KDM4A: variants seen among roughly 807,000 people sequenced by gnomAD.
The protein encoded by KDM4A is lysine demethylase 4A.
KDM4A carries 23 observed loss-of-function variants against 127.1 expected under a neutral mutation model. The ratio of observed to expected loss-of-function variants is 0.18; its 90% CI spans 0.13 to 0.26. The LOEUF (loss-of-function observed/expected upper bound fraction) is 0.26, where lower values mean the gene tolerates loss of function less well. Ranked by LOEUF, KDM4A falls within the 10% of genes least tolerant of loss-of-function variation. KDM4A has a pLI of 1.00. For missense variants in KDM4A, 890 were observed against 1,329.1 expected, an observed-to-expected ratio of 0.67 and a Z score of 5.14; for synonymous variants, 443 against 466.5, an observed-to-expected ratio of 0.95 and a Z score of 0.65.
rs1356372768 is a variant in KDM4A at position 43,704,115 on chromosome 1, G to A, written c.3054+3G>A. ...CCAAGAGAGTCAAATCTAGACTGGT[G>A]AGTATTTTCTGTGTCCCCCCAGTTC... is the stretch of plus-strand genomic sequence containing the variant. On this transcript the variant is annotated splice_donor_region_variant and intron_variant, in intron 21 of 21. Transcript: ENST00000372396. 2 of 1,613,768 alleles carry A rather than the reference G, an allele frequency of 1.2e-6. No homozygotes were observed. Among genetic ancestry groups the A allele is most frequent in the Non-Finnish European group, 1.7e-6 (2 of 1,179,682 alleles).
intron 18 of KDM4A, among the ~76,000 whole-genome samples, chr1:43,697,480 G>A (rs1448241145): frequency 6.6e-6 from 1 of 152,192 alleles, no homozygotes; most frequent in African/African-American, 2.4e-5. Flanking sequence ...CAGGCCTCAG[G>A]GCACCTATTG....
intron 3 of KDM4A, among the ~76,000 whole-genome samples, chr1:43,656,123 T>C (rs1460857306): frequency 6.6e-6 from 1 of 152,170 alleles, no homozygotes; most frequent in East Asian, 1.9e-4. Context: ...ACTTCCTCTC[T>C]CTCGGGATGC....
In KDM4A at chr1:43,694,060, T is replaced by G. The variant is rs1162098072; in HGVS notation, c.2442T>G (p.Ser814Arg). Reference sequence around the variant, plus strand: ...GGTTTGTCAACATTGCAGAAAGAAGTCCGGTGGATGTGAGCAAAATCCCCC... The same window carrying G: ...GGTTTGTCAACATTGCAGAAAGAAGGCCGGTGGATGTGAGCAAAATCCCCC... ...EARFVNIAER[S>R]PVDVSKIPLP... is the part of the protein sequence containing the mutation. Residue 814 changes from serine (S) to arginine (R), a missense_variant, in exon 17 of 22, where the codon AGT becomes AGG. Physicochemically the swap from Ser to Arg is moderately radical, Grantham distance 110. Transcript: ENST00000372396. The surrounding 1 kb of genome is among the most constrained non-coding windows in gnomAD (Gnocchi z 5.2). The G allele has an allele frequency of 6.2e-7, 1 of 1,614,126 alleles. No homozygotes were observed.
At chr1:43,653,589 G>A (rs1040259801) in intron 2 of KDM4A, 2 of 259,920 alleles carry the variant, frequency 7.7e-6, no homozygotes, top group Non-Finnish European at 1.5e-5. Flanking sequence ...CCTCTTGGTG[G>A]AGCTGGGTGC....
intron 9 of KDM4A, 121 bp downstream of exon 9, chr1:43,668,140 GT>G (rs1237531470): frequency 2.5e-5 from 34 of 1,366,368 alleles, no homozygotes; most frequent in Admixed American, 1.9e-4. Flanking sequence ...TTTTGTTTTT[GT>G]TTTTGATGGA....
Position 43,666,947 on chromosome 1 carries a change from TG to T in KDM4A, c.778-6del. The T allele has an allele frequency of 6.2e-7, 1 of 1,613,912 alleles. No homozygotes were observed. The highest frequency in any genetic ancestry group is 2.2e-5 in the East Asian group (1 of 44,878). On this transcript the variant is annotated splice_polypyrimidine_tract_variant and splice_region_variant and intron_variant, in intron 7 of 21. Coordinates refer to ENST00000372396, the MANE Select transcript of KDM4A (RefSeq NM_014663.3). ...GAAGCAGCTGCTTCAAGTCTGCTCTTGTTCAGGTGACTCAAGAGGCTGGAGA... is the reference window on the plus strand; with the variant it reads ...GAAGCAGCTGCTTCAAGTCTGCTCTTTTCAGGTGACTCAAGAGGCTGGAGA...
In KDM4A at chr1:43,693,117, T is replaced by C. The variant is rs1661157730; in HGVS notation, c.2375+806T>C. On this transcript the variant is annotated intron_variant, in intron 16 of 21. Coordinates refer to ENST00000372396, the MANE Select transcript of KDM4A (RefSeq NM_014663.3). This position sits in a 1 kb window ranked among gnomAD's most constrained non-coding sequence, Gnocchi z 4.2. ...CCTTCAAAGGCACTTGCTGCCATTA[T>C]TTGAGGTCACTGGGTTCCTCACAGT... Among the ~76,000 whole-genome samples the C allele has an allele frequency of 6.6e-6, 1 of 152,214 alleles. No homozygotes were observed. The highest frequency in any genetic ancestry group is 2.4e-5 in the African/African-American group (1 of 41,454).
intron 11 of KDM4A, among the ~76,000 whole-genome samples, chr1:43,679,534 A>T (rs1206021728): frequency 6.6e-6 from 1 of 152,070 alleles, no homozygotes; most frequent in Non-Finnish European, 1.5e-5. Flanking sequence ...CACTTTAAGC[A>T]TCCCCAAGCT....
intron 2 of KDM4A, chr1:43,653,604 G>T: frequency 4.3e-6 from 1 of 233,590 alleles, no homozygotes. Flanking sequence ...GGGTGCTGTG[G>T]TGTTATTGAA....
chr1:43,695,051 C>T (rs142762007), intron 18 of KDM4A, among the ~76,000 whole-genome samples, 157 bp downstream of exon 18: 1 of 152,338 alleles, frequency 6.6e-6, no homozygotes, highest in African/African-American at 2.4e-5. Context: ...CCCTGTCCAT[C>T]TCCACTCCCT....
intron 11 of KDM4A, among the ~76,000 whole-genome samples, chr1:43,682,298 A>G (rs532106496): frequency 1.3e-5 from 2 of 152,346 alleles, no homozygotes; most frequent in African/African-American, 4.8e-5. Context: ...AAGCAGAGCC[A>G]TTCTGGTTGG....
chr1:43,684,123 ATG>A (rs898257732), intron 12 of KDM4A, among the ~76,000 whole-genome samples: 28 of 152,186 alleles, frequency 1.8e-4, no homozygotes, highest in African/African-American at 6.3e-4. Flanking sequence ...TGTGGTGTAT[ATG>A]TGGCTGCAAA....
In KDM4A at chr1:43,671,994, G is replaced by A; in HGVS notation, c.1734+119G>A. 5 of 1,205,474 alleles carry A rather than the reference G, an allele frequency of 4.1e-6. No individual in the cohort carries two copies. In the South Asian group the frequency reaches 8.6e-5, roughly 21 times the overall value. 74.7% of individuals were successfully genotyped at this position (1,205,474 alleles called of 1,614,324 possible). ...GTGATGGAGGTGCTGCAGGAGGGCA[G>A]GAGAGACCCTCAGTCAGTGCCTCTA... is the stretch of plus-strand genomic sequence containing the variant. On this transcript the variant is annotated intron_variant, in intron 11 of 21. Coordinates refer to ENST00000372396, the MANE Select transcript of KDM4A (RefSeq NM_014663.3).
intron 6 of KDM4A, chr1:43,666,173 T>G: frequency 2.3e-6 from 1 of 431,806 alleles, no homozygotes; most frequent in South Asian, 4.1e-5. Flanking sequence ...GGAGAAAAGG[T>G]CCTAAATAGT....
In KDM4A at chr1:43,694,907, G is replaced by A. The variant is rs1234651556; in HGVS notation, c.2670+13G>A. On this transcript the variant is annotated intron_variant, in intron 18 of 21. Coordinates refer to ENST00000372396, the MANE Select transcript of KDM4A (RefSeq NM_014663.3). The surrounding 1 kb of genome is among the most constrained non-coding windows in gnomAD (Gnocchi z 5.2). ...TCCTAATTTGGAGGTGAGAGAGGGT[G>A]TCATTCTAGAATCCTCTTGACAGTT... 1.9e-6 allele frequency: 3 copies of A among 1,586,330 alleles called. No homozygotes were observed. Among genetic ancestry groups the A allele is most frequent in the East Asian group, 2.3e-5 (1 of 44,056 alleles).
chr1:43,653,521 C>A, intron 2 of KDM4A: 1 of 412,712 alleles, frequency 2.4e-6, no homozygotes. Context: ...TTGGAATCTT[C>A]AGAAAGGGGG....
chr1:43,688,875 A>G lies in KDM4A; in HGVS notation c.1856-39A>G, dbSNP rs1271308693. On this transcript the variant is annotated intron_variant, in intron 12 of 21. Transcript: ENST00000372396. The surrounding 1 kb of genome is among the most constrained non-coding windows in gnomAD (Gnocchi z 4.4). The stretch of plus-strand genomic sequence containing the variant: ...TCTCCAGGCAGAGCCACAGATGTGC[A>G]GGGTTAGTGCTGACTCACACTTCTG... 2 of 1,577,026 alleles carry G rather than the reference A, an allele frequency of 1.3e-6. No individual in the cohort carries two copies. The highest frequency in any genetic ancestry group is 1.1e-5 in the South Asian group (1 of 89,302).
rs912885770 is a variant in KDM4A at position 43,694,212 on chromosome 1, C to G, written c.2484+110C>G. 1 of 841,134 alleles carries G rather than the reference C, an allele frequency of 1.2e-6. No homozygotes were observed. The highest frequency in any genetic ancestry group is 2.3e-4 in the Middle Eastern group (1 of 4,418). 52.1% of individuals were successfully genotyped at this position (841,134 alleles called of 1,614,324 possible). On this transcript the variant is annotated intron_variant, in intron 17 of 21. Coordinates refer to ENST00000372396, the MANE Select transcript of KDM4A (RefSeq NM_014663.3). The surrounding 1 kb of genome is among the most constrained non-coding windows in gnomAD (Gnocchi z 5.2). ...TTGGTTAGAGTTTGTGATTCTCACT[C>G]TGTGGTTAGATTCCTTAGTGGAGGC...
At chr1:43,672,005 C>G in intron 11 of KDM4A, 130 bp downstream of exon 11, 1 of 1,025,948 alleles carries the variant, frequency 9.7e-7, no homozygotes, top group South Asian at 2.7e-5. Flanking sequence ...GAGAGACCCT[C>G]AGTCAGTGCC....
Sources: gnomAD v4.1 joint callset for allele counts (sites outside exome capture counted in the v4.1 genomes callset) on GRCh38, gnomAD v4.1.1 for gene constraint, Gnocchi (gnomAD v3.1) non-coding constraint, MANE v1.5 for transcripts, NCBI Gene and HGNC (gene_info 2026-07-23, HGNC 2026-07-21) for gene names.